SHC4: variants seen among roughly 807,000 people sequenced by gnomAD.
SHC4 encodes SHC adaptor protein 4, also known as SHC-transforming protein 4.
Under a neutral mutation model 69.4 loss-of-function variants are expected in SHC4, and 41 were observed. The ratio of observed to expected loss-of-function variants is 0.59; its 90% CI spans 0.46 to 0.77. The LOEUF (loss-of-function observed/expected upper bound fraction) is 0.77, where lower values mean the gene tolerates loss of function less well. Among genes scored for constraint, SHC4 ranks in the 30% least tolerant of loss-of-function variants. SHC4 has a pLI of 0.00. For missense variants in SHC4, 777 were observed against 783.8 expected, an observed-to-expected ratio of 0.99 and a Z score of 0.10; for synonymous variants, 318 against 299.3, an observed-to-expected ratio of 1.06 and a Z score of -0.64.
At chr15:48,866,916 C>G (rs1899572310) in intron 6 of SHC4, among the ~76,000 whole-genome samples, 1 of 152,238 alleles carries the variant, frequency 6.6e-6, no homozygotes, top group African/African-American at 2.4e-5. Context: ...GGATGAGAAG[C>G]AATACTAACC....
At chr15:48,958,734 G>A (rs1006845077) in intron 1 of SHC4, among the ~76,000 whole-genome samples, 3 of 152,198 alleles carry the variant, frequency 2.0e-5, no homozygotes, top group Non-Finnish European at 2.9e-5. Flanking sequence ...GCACCTGGGA[G>A]ACCTTTAAAT....
At chr15:48,920,124 C>T (rs1296982623) in intron 2 of SHC4, among the ~76,000 whole-genome samples, 3 of 151,618 alleles carry the variant, frequency 2.0e-5, no homozygotes, top group Admixed American at 2.0e-4. Context: ...ACGCCATTCT[C>T]TTGCCTCAGC....
intron 4 of SHC4, among the ~76,000 whole-genome samples, chr15:48,881,373 A>T (rs1307669904): frequency 7.2e-6 from 1 of 139,138 alleles, no homozygotes; most frequent in Non-Finnish European, 1.6e-5. Flanking sequence ...AAAAAAACAA[A>T]GCAAAAAAAA....
chr15:48,867,632 T>C (rs552410190), intron 6 of SHC4, among the ~76,000 whole-genome samples, 186 bp downstream of exon 6: 2 of 152,374 alleles, frequency 1.3e-5, no homozygotes, highest in East Asian at 3.9e-4. Context: ...TTCATCTACA[T>C]AGTTTTTCTA....
At position 48,924,968 on chromosome 15, in the gene SHC4, AAAG is replaced by A. The variant is rs759452920; in HGVS notation, c.586-22_586-20del. The A allele has an allele frequency of 4.4e-5, 71 of 1,613,500 alleles. No homozygotes were observed. Among genetic ancestry groups the A allele is most frequent in the African/African-American group, 6.7e-5 (5 of 74,890 alleles). On this transcript the variant is annotated intron_variant, in intron 1 of 11. Coordinates refer to ENST00000332408, the MANE Select transcript of SHC4 (RefSeq NM_203349.4). ...CCATGTACTACAATAAGAAGAAAAAAAAGAAGAAGTAGGACAAAAATTCCAAGA... is the reference window on the plus strand; with the variant it reads ...CCATGTACTACAATAAGAAGAAAAAAAAGAAGTAGGACAAAAATTCCAAGA...
chr15:48,906,824 C>T (rs1900413625), intron 2 of SHC4, among the ~76,000 whole-genome samples: 1 of 152,112 alleles, frequency 6.6e-6, no homozygotes, highest in Admixed American at 6.5e-5. Context: ...ACTTAAAACC[C>T]AGAAGTAAAT....
At chr15:48,913,440 A>G (rs891885580) in intron 2 of SHC4, among the ~76,000 whole-genome samples, 2 of 151,990 alleles carry the variant, frequency 1.3e-5, no homozygotes, top group African/African-American at 2.4e-5. Flanking sequence ...TTTAACTCCC[A>G]CCGTGCTCTC....
intron 2 of SHC4, among the ~76,000 whole-genome samples, chr15:48,917,010 C>A (rs1168336638): frequency 1.3e-5 from 2 of 152,106 alleles, no homozygotes; most frequent in Non-Finnish European, 2.9e-5. Context: ...CCTTGGGTAT[C>A]AAAATGTATT....
intron 5 of SHC4, among the ~76,000 whole-genome samples, chr15:48,869,798 T>TG (rs1178488163): frequency 1.3e-5 from 2 of 152,190 alleles, no homozygotes; most frequent in Non-Finnish European, 2.9e-5. Flanking sequence ...AACCAAGCCA[T>TG]GGCACCGCCG....
chr15:48,835,122 G>T, intron 10 of SHC4, 100 bp from the exon 11 acceptor site: 1 of 1,401,304 alleles, frequency 7.1e-7, no homozygotes, highest in Non-Finnish European at 9.5e-7. Context: ...GTCCTACTGT[G>T]TGCCAGCCAT....
chr15:48,955,395 T>C (rs1054831695), intron 1 of SHC4, among the ~76,000 whole-genome samples: 4 of 152,176 alleles, frequency 2.6e-5, no homozygotes, highest in Non-Finnish European at 5.9e-5. Context: ...AACTGTCATA[T>C]TGGGGTCCAG....
chr15:48,844,305 C>T (rs531522558), intron 9 of SHC4, among the ~76,000 whole-genome samples: 35 of 152,180 alleles, frequency 2.3e-4, no homozygotes, highest in African/African-American at 5.5e-4. Context: ...ACTGCAAATC[C>T]GGTCATATTT....
intron 1 of SHC4, among the ~76,000 whole-genome samples, chr15:48,926,461 C>CTTTT (rs59533063): frequency 1.4e-5 from 2 of 145,276 alleles, no homozygotes; most frequent in Non-Finnish European, 1.5e-5. Flanking sequence ...AATAGTATTT[C>CTTTT]TTTTTTTTTT....
intron 5 of SHC4, among the ~76,000 whole-genome samples, chr15:48,871,240 C>T (rs1899671240): frequency 6.6e-6 from 1 of 152,188 alleles, no homozygotes; most frequent in Admixed American, 6.5e-5. Flanking sequence ...GTTCCCCCTG[C>T]TTTCTTGACA....
At chr15:48,960,950 T>G (rs769498583) in intron 1 of SHC4, among the ~76,000 whole-genome samples, 1 of 152,050 alleles carries the variant, frequency 6.6e-6, no homozygotes, top group Non-Finnish European at 1.5e-5. Context: ...GGTAACAAAA[T>G]AATCAATCTA....
At chr15:48,896,477 T>C (rs1458894259) in intron 2 of SHC4, among the ~76,000 whole-genome samples, 3 of 152,056 alleles carry the variant, frequency 2.0e-5, no homozygotes, top group Non-Finnish European at 4.4e-5. Context: ...CCTGCCACCA[T>C]GCCCGGCTAA....
At chr15:48,913,494 C>T (rs2899426) in intron 2 of SHC4, among the ~76,000 whole-genome samples, 41,233 of 151,958 alleles carry the variant, frequency 0.27, 7,274 homozygotes, top group Middle Eastern at 0.46. Context: ...GCGACAGGGG[C>T]TTGAAAACCT....
At chr15:48,836,014 C>A (rs1444959275) in intron 10 of SHC4, among the ~76,000 whole-genome samples, 109 of 86,578 alleles carry the variant, frequency 1.3e-3, no homozygotes, top group African/African-American at 1.8e-3. Flanking sequence ...CCTGTCTCTA[C>A]AAAAAATCCA....
At chr15:48,912,723 G>A (rs1368207414) in intron 2 of SHC4, among the ~76,000 whole-genome samples, 3 of 152,158 alleles carry the variant, frequency 2.0e-5, no homozygotes, top group Non-Finnish European at 2.9e-5. Context: ...GGTAGGCTCC[G>A]TCAGAGGGAA....
Sources: gnomAD v4.1 joint callset for allele counts (sites outside exome capture counted in the v4.1 genomes callset) on GRCh38, gnomAD v4.1.1 for gene constraint, MANE v1.5 for transcripts, NCBI Gene and HGNC (gene_info 2026-07-23, HGNC 2026-07-21) for gene names.